Variants in UNC13C observed in about 807,000 individuals in gnomAD.
UNC13C encodes protein unc-13 homolog C.
Under a neutral mutation model 245.4 loss-of-function variants are expected in UNC13C, and 174 were observed. That is an observed-to-expected ratio of 0.71 (90% CI 0.63 to 0.80). UNC13C has a LOEUF of 0.80. UNC13C is among the 30% of genes least tolerant of loss of function. The pLI, the probability that UNC13C is intolerant of heterozygous loss-of-function variation, is 0.00. For synonymous variants in UNC13C, 992 were observed against 895.1 expected, an observed-to-expected ratio of 1.11 and a Z score of -1.93; for missense variants, 2,829 against 2,602.9, an observed-to-expected ratio of 1.09 and a Z score of -1.89.
intron 18 of UNC13C, among the ~76,000 whole-genome samples, chr15:54,394,409 C>T (rs1355910603): frequency 1.3e-5 from 2 of 151,786 alleles, no homozygotes; most frequent in Non-Finnish European, 2.9e-5. Flanking sequence ...AGACTTTGCT[C>T]TTCTATTCTC....
At chr15:54,118,094 TTTTC>T (rs1384430379) in intron 2 of UNC13C, among the ~76,000 whole-genome samples, 5 of 152,074 alleles carry the variant, frequency 3.3e-5, no homozygotes, top group East Asian at 1.9e-4. Context: ...TGCTTCAGCT[TTTTC>T]TTTATTTTCA....
the UNC13C span, among the ~76,000 whole-genome samples, chr15:53,842,976 GA>G: frequency 6.7e-6 from 1 of 150,246 alleles, no homozygotes; most frequent in East Asian, 1.9e-4. Flanking sequence ...TTAAAATAAA[GA>G]ACAGAGAAAT....
chr15:54,183,559 C>T (rs1022996900), intron 4 of UNC13C, among the ~76,000 whole-genome samples: 3 of 151,590 alleles, frequency 2.0e-5, no homozygotes, highest in Admixed American at 1.3e-4. Flanking sequence ...TTATTAAGGG[C>T]CAATATATAT....
intron 13 of UNC13C, among the ~76,000 whole-genome samples, chr15:54,307,843 AGTGACATTTAAGT>A (rs1567176114): frequency 6.6e-6 from 1 of 151,976 alleles, no homozygotes; most frequent in Non-Finnish European, 1.5e-5. Context: ...TCAAAACAGA[AGTGACATTTAAGT>A]GTTTGAGTCA....
intron 2 of UNC13C, among the ~76,000 whole-genome samples, chr15:54,092,468 C>T (rs1192952520): frequency 1.3e-5 from 2 of 152,164 alleles, no homozygotes; most frequent in Non-Finnish European, 2.9e-5. Context: ...CATTTCTTCT[C>T]ATAACACAGT....
chr15:53,851,882 G>C, the UNC13C span, among the ~76,000 whole-genome samples: 3 of 152,208 alleles, frequency 2.0e-5, no homozygotes, highest in Non-Finnish European at 2.9e-5. Flanking sequence ...AGGAAGCTCT[G>C]TACACCTTCC....
intron 4 of UNC13C, among the ~76,000 whole-genome samples, chr15:54,219,084 A>G (rs1286925651): frequency 6.6e-6 from 1 of 151,802 alleles, no homozygotes; most frequent in Non-Finnish European, 1.5e-5. Context: ...TCTTCACAGA[A>G]TTTGAAAAAA....
chr15:54,397,664 T>C (rs762001888), intron 18 of UNC13C, among the ~76,000 whole-genome samples: 12 of 151,420 alleles, frequency 7.9e-5, no homozygotes, highest in Non-Finnish European at 1.3e-4. Flanking sequence ...TAACATGGCA[T>C]GTACATGCAT....
At chr15:54,541,964 C>T (rs1440919228) in intron 26 of UNC13C, among the ~76,000 whole-genome samples, 1 of 152,006 alleles carries the variant, frequency 6.6e-6, no homozygotes, top group Non-Finnish European at 1.5e-5. Context: ...ACTAAATACA[C>T]ATCGGGGTGA....
chr15:53,846,485 A>G, the UNC13C span, among the ~76,000 whole-genome samples: 1 of 152,198 alleles, frequency 6.6e-6, no homozygotes, highest in Non-Finnish European at 1.5e-5. Context: ...CTTATTTTCC[A>G]CATTTGTGGA....
the UNC13C span, chr15:53,911,834 CTT>C: frequency 1.8e-4 from 27 of 152,298 alleles, no homozygotes; most frequent in African/African-American, 6.5e-4. Context: ...ATGATGAACG[CTT>C]TACCTCCCCT....
chr15:54,500,917 T>C lies in UNC13C; in HGVS notation c.5240T>C (p.Ile1747Thr). 1 of 1,613,116 alleles carries C rather than the reference T, an allele frequency of 6.2e-7. No individual in the cohort carries two copies. Residue 1747 changes from isoleucine (I) to threonine (T), a missense_variant, in exon 22 of 33, where the codon ATT becomes ACT. Transcript: ENST00000260323. ...FAQLNQSFEI[I>T]KKLECPNPEA... Reference sequence around the variant, plus strand: ...CAGCTGAATCAGAGCTTTGAAATTATTAAGAAACTGGAATGCCCTAATCCT... The same window carrying C: ...CAGCTGAATCAGAGCTTTGAAATTACTAAGAAACTGGAATGCCCTAATCCT...
At chr15:53,861,488 T>A in the UNC13C span, among the ~76,000 whole-genome samples, 3 of 152,144 alleles carry the variant, frequency 2.0e-5, no homozygotes, top group African/African-American at 7.2e-5. Flanking sequence ...TAAAAATATA[T>A]CATCTTTATC....
At chr15:54,139,375 A>G (rs774284132) in intron 2 of UNC13C, among the ~76,000 whole-genome samples, 4 of 152,142 alleles carry the variant, frequency 2.6e-5, no homozygotes, top group Non-Finnish European at 4.4e-5. Context: ...ACAAGGCCAC[A>G]TTGTGATGTA....
the UNC13C span, among the ~76,000 whole-genome samples, chr15:53,878,008 A>T: frequency 2.6e-5 from 4 of 152,118 alleles, no homozygotes; most frequent in South Asian, 8.3e-4. Context: ...CAACATGTTG[A>T]TCTACCATAA....
intron 19 of UNC13C, among the ~76,000 whole-genome samples, chr15:54,455,229 AT>A (rs1202637066): frequency 2.2e-5 from 2 of 90,056 alleles, no homozygotes; most frequent in African/African-American, 3.6e-5. Flanking sequence ...ATATATATAT[AT>A]ATATATATGT....
At chr15:53,870,646 C>G in the UNC13C span, among the ~76,000 whole-genome samples, 1 of 152,254 alleles carries the variant, frequency 6.6e-6, no homozygotes, top group South Asian at 2.1e-4. Context: ...CGTCCTAACT[C>G]ATAAAAACAC....
chr15:54,564,153 T>C (rs1417648145), intron 29 of UNC13C, among the ~76,000 whole-genome samples: 2 of 152,034 alleles, frequency 1.3e-5, no homozygotes, highest in African/African-American at 2.4e-5. Flanking sequence ...GCAATTTGTT[T>C]TCTCTTCTGA....
At chr15:53,906,917 A>G in the UNC13C span, among the ~76,000 whole-genome samples, 1 of 152,144 alleles carries the variant, frequency 6.6e-6, no homozygotes, top group African/African-American at 2.4e-5. Flanking sequence ...TTAAAACATC[A>G]TGTCTCGTGA....
Sources: gnomAD v4.1 joint callset for allele counts (sites outside exome capture counted in the v4.1 genomes callset) on GRCh38, gnomAD v4.1.1 for gene constraint, MANE v1.5 for transcripts, NCBI Gene and HGNC (gene_info 2026-07-23, HGNC 2026-07-21) for gene names.